Variants in DOK7 observed in about 807,000 individuals in gnomAD.
DOK7 encodes protein Dok-7.
In DOK7, 32 loss-of-function variants were observed where a neutral mutation model predicts 30.7. That is an observed-to-expected ratio of 1.04 (90% CI 0.79 to 1.40). DOK7 has a LOEUF of 1.40. DOK7 is among the 40% of genes most tolerant of loss of function. The pLI is 0.00. For synonymous variants in DOK7, 447 were observed against 324.1 expected (o/e 1.38, Z -4.07); for missense variants, 1,007 against 699.2 (o/e 1.44, Z -4.97).
downstream of DOK7, among the ~76,000 whole-genome samples, chr4:3,499,472 G>A (rs967846430): frequency 5.3e-5 from 8 of 152,174 alleles, no homozygotes; most frequent in African/African-American, 1.2e-4. Flanking sequence ...CCCACGGTGC[G>A]GAGCCCTCAG....
chr4:3,475,802 C>A (rs998214320), intron 3 of DOK7, among the ~76,000 whole-genome samples: 1 of 152,200 alleles, frequency 6.6e-6, no homozygotes, highest in African/African-American at 2.4e-5. Flanking sequence ...GGGGTGGGAG[C>A]CCAGCCAGGG....
exon 8 of DOK7, chr4:3,500,754 G>A (rs1729145902): frequency 1.3e-6 from 2 of 1,535,172 alleles, no homozygotes; most frequent in South Asian, 1.2e-5. Flanking sequence ...GCACAGAGTG[G>A]GGGTGCGGCA....
At chr4:3,496,868 C>A, downstream of DOK7, 1 of 1,534,338 alleles carries the variant, frequency 6.5e-7, no homozygotes, top group Non-Finnish European at 8.7e-7. Flanking sequence ...TTCAGGTAGG[C>A]ACCTGGAGCC....
intron 2 of DOK7, among the ~76,000 whole-genome samples, chr4:3,465,335 C>G (rs928921096): frequency 3.0e-4 from 45 of 152,326 alleles, no homozygotes; most frequent in African/African-American, 1.0e-3. Context: ...GATGCTGCCC[C>G]CTTTGCCTTC....
chr4:3,497,424 A>G (rs1032083855), downstream of DOK7, among the ~76,000 whole-genome samples: 3 of 151,362 alleles, frequency 2.0e-5, no homozygotes, highest in Non-Finnish European at 4.4e-5. Context: ...CCAGGCAGGG[A>G]GGCAGTGGGA....
chr4:3,472,861 C>T (rs528515164), intron 2 of DOK7, among the ~76,000 whole-genome samples: 138 of 152,298 alleles, frequency 9.1e-4, no homozygotes, highest in Middle Eastern at 3.4e-3. Context: ...CAAGGCCCAT[C>T]GACCTCCCCT....
chr4:3,469,481 G>T (rs1726624641), intron 2 of DOK7, among the ~76,000 whole-genome samples: 1 of 152,138 alleles, frequency 6.6e-6, no homozygotes, highest in African/African-American at 2.4e-5. Context: ...CCAGCCGGAG[G>T]GTGGGTGAGC....
chr4:3,492,491 G>C (rs1728539238), intron 6 of DOK7, among the ~76,000 whole-genome samples: 1 of 152,098 alleles, frequency 6.6e-6, no homozygotes. Context: ...GACCAAGGTA[G>C]TGGCAGGGGT....
In DOK7 at chr4:3,476,365, G is replaced by A. The variant is rs951094929; in HGVS notation, c.355G>A (p.Ala119Thr). ...GEVHRFHVTVAPGTKLESGPA... is the reference protein window; with the variant it reads ...GEVHRFHVTVTPGTKLESGPA... Reference sequence around the variant, plus strand: ...AGTGCATAGGTTCCATGTGACAGTGGCTCCAGGCACCAAGTTGGAGAGCGG... The same window carrying A: ...AGTGCATAGGTTCCATGTGACAGTGACTCCAGGCACCAAGTTGGAGAGCGG... The change falls in exon 4 of 7, where the codon GCT becomes ACT. Residue 119 changes from alanine (A) to threonine (T), a missense_variant. By Grantham distance (58) the Ala-to-Thr change is moderately conservative (BLOSUM62 0). Transcript: ENST00000340083. 3.1e-6 allele frequency: 5 copies of A among 1,608,580 alleles called. No individual in the cohort carries two copies. The Admixed American group carries it at 5.0e-5, about 16-fold the overall frequency.
intron 4 of DOK7, chr4:3,484,590 G>C (rs1417140244): frequency 1.0e-6 from 1 of 985,258 alleles, no homozygotes; most frequent in East Asian, 1.1e-4. Flanking sequence ...CGGGAGGGCA[G>C]CGCCCCCGTG....
rs201735755 is a variant in DOK7, at chr4:3,476,550, C to G, written c.532+8C>G. The G allele has an allele frequency of 6.2e-7, 1 of 1,613,770 alleles. No homozygotes were observed. The highest frequency in any genetic ancestry group is 1.3e-5 in the African/African-American group (1 of 75,048). On this transcript the variant is annotated splice_region_variant and intron_variant, in intron 4 of 6. Transcript: ENST00000340083. ...GGACCAGGTGTGGGTACTGTAAGTA[C>G]GGATGTGTGGGGTCACTGGGCAGCA...
chr4:3,490,645 AT>A (rs1221513082), intron 6 of DOK7, among the ~76,000 whole-genome samples: 29 of 25,416 alleles, frequency 1.1e-3, no homozygotes, highest in Non-Finnish European at 1.7e-3. Flanking sequence ...CTGCTCGTTC[AT>A]TTCCCTCCTG....
chr4:3,472,850 C>T (rs1307286204), intron 2 of DOK7, among the ~76,000 whole-genome samples: 1 of 148,930 alleles, frequency 6.7e-6, no homozygotes, highest in Non-Finnish European at 1.5e-5. Flanking sequence ...GGGATGGGAC[C>T]CAAGGCCCAT....
At chr4:3,496,788 G>A (rs1217779372), downstream of DOK7, 1 of 1,535,736 alleles carries the variant, frequency 6.5e-7, no homozygotes, top group Non-Finnish European at 8.7e-7. Context: ...GAAGACTGAA[G>A]GATGCACTGA....
intron 4 of DOK7, chr4:3,484,946 C>A: frequency 1.1e-6 from 1 of 917,078 alleles, no homozygotes; most frequent in Non-Finnish European, 1.3e-6. Flanking sequence ...GTGACCCCAG[C>A]TCCAGGTGGC....
intron 2 of DOK7, among the ~76,000 whole-genome samples, chr4:3,471,117 C>T (rs1726733690): frequency 6.6e-6 from 1 of 152,244 alleles, no homozygotes; most frequent in Non-Finnish European, 1.5e-5. Context: ...GTCACCTGGT[C>T]CCTCTGTGCA....
chr4:3,468,798 C>G (rs62644695), intron 2 of DOK7, among the ~76,000 whole-genome samples: 25 of 133,744 alleles, frequency 1.9e-4, no homozygotes, highest in Middle Eastern at 5.1e-3. Flanking sequence ...TCATGTATGT[C>G]TGTGTGTGCC....
chr4:3,478,345 A>G (rs2109348594), intron 4 of DOK7, among the ~76,000 whole-genome samples: 1 of 152,172 alleles, frequency 6.6e-6, no homozygotes, highest in South Asian at 2.1e-4. Context: ...ACAATCCCAC[A>G]CCTGGGGCTG....
chr4:3,481,290 A>C (rs1727428491), intron 4 of DOK7, among the ~76,000 whole-genome samples: 1 of 152,062 alleles, frequency 6.6e-6, no homozygotes, highest in Non-Finnish European at 1.5e-5. Context: ...AGAGGCTGGC[A>C]GGGGCCAGAG....
Sources: allele counts gnomAD v4.1 joint callset (sites outside exome capture counted in the v4.1 genomes callset), GRCh38; gene constraint gnomAD v4.1.1; transcripts MANE v1.5; gene names NCBI Gene and HGNC (gene_info 2026-07-23, HGNC 2026-07-21).